The following PPME1 variants were observed in gnomAD, a reference collection of about 807,000 sequenced individuals.
PPME1 encodes protein phosphatase methylesterase 1, also known as testicular secretory protein Li 39.
In PPME1, 17 loss-of-function variants were observed where a neutral mutation model predicts 56.9. That is an observed-to-expected ratio of 0.30 (90% CI 0.20 to 0.45). PPME1 has a LOEUF of 0.45. PPME1 is among the 20% of genes least tolerant of loss of function. The pLI is 1.00. For synonymous variants in PPME1, 122 were observed against 156.2 expected (o/e 0.78, Z 1.63); for missense variants, 357 against 483.2 (o/e 0.74, Z 2.45).
At chr11:74,232,375 T>C (rs1217033070) in intron 7 of PPME1, among the ~76,000 whole-genome samples, 1 of 152,264 alleles carries the variant, frequency 6.6e-6, no homozygotes, top group Non-Finnish European at 1.5e-5. Flanking sequence ...AATTTAGGAC[T>C]TGGTAAATAT....
At chr11:74,194,752 G>A (rs1857936283) in intron 1 of PPME1, among the ~76,000 whole-genome samples, 1 of 152,112 alleles carries the variant, frequency 6.6e-6, no homozygotes, top group African/African-American at 2.4e-5. Flanking sequence ...CAGTCATTGT[G>A]TGAAAATGGG....
At chr11:74,249,465 T>A (rs1320785990) in intron 11 of PPME1, 1 of 152,198 alleles carries the variant, frequency 6.6e-6, no homozygotes, top group South Asian at 2.1e-4. Flanking sequence ...TGGCACAGTG[T>A]TGTTGGTGTA....
At chr11:74,202,514 A>G (rs1189795882) in intron 1 of PPME1, among the ~76,000 whole-genome samples, 1 of 152,200 alleles carries the variant, frequency 6.6e-6, no homozygotes, top group Non-Finnish European at 1.5e-5. Context: ...GTTTTTAGAA[A>G]GAGCTTTGTA....
intron 13 of PPME1, 114 bp downstream of exon 13, chr11:74,251,829 C>G: frequency 7.8e-7 from 1 of 1,277,944 alleles, no homozygotes; most frequent in Non-Finnish European, 1.1e-6. Context: ...GGTCACCATG[C>G]CTTTCTTCCT....
chr11:74,189,123 C>T (rs925742210), intron 1 of PPME1, among the ~76,000 whole-genome samples: 3 of 152,166 alleles, frequency 2.0e-5, no homozygotes, highest in African/African-American at 7.2e-5. Context: ...GGTGCATTGG[C>T]TCACACCTGT....
In PPME1 at chr11:74,232,309, G is replaced by A. The variant is rs151321259; in HGVS notation, c.644+1307G>A. 1.9e-3 allele frequency among the ~76,000 whole-genome samples: 284 copies of A among 152,314 alleles called. 2 individuals are homozygous for A. Among genetic ancestry groups the A allele is most frequent in the African/African-American group, 6.3e-3 (261 of 41,564 alleles). On this transcript the variant is annotated intron_variant, in intron 7 of 13. Coordinates refer to ENST00000328257, the MANE Select transcript of PPME1 (RefSeq NM_016147.3). Reference sequence around the variant, plus strand: ...CTTTTCTACTTTCATATAGCATATGGCATACTGCCCTAGCAGGCAGAATAT... The same window carrying A: ...CTTTTCTACTTTCATATAGCATATGACATACTGCCCTAGCAGGCAGAATAT...
chr11:74,192,695 G>A (rs1857873313), intron 1 of PPME1, among the ~76,000 whole-genome samples: 1 of 152,162 alleles, frequency 6.6e-6, no homozygotes, highest in African/African-American at 2.4e-5. Flanking sequence ...GTGAGTTCTT[G>A]CCCTGAGTTC....
chr11:74,185,444 G>T (rs1408578554), intron 1 of PPME1, among the ~76,000 whole-genome samples: 16 of 152,116 alleles, frequency 1.1e-4, no homozygotes, highest in Non-Finnish European at 1.5e-5. Flanking sequence ...TTGTTTTCTT[G>T]CTGTTTTGGC....
chr11:74,171,763 AGC>A (rs1857240630), intron 1 of PPME1, among the ~76,000 whole-genome samples: 1 of 152,136 alleles, frequency 6.6e-6, no homozygotes, highest in South Asian at 2.1e-4. Context: ...AGGTTGGGGA[AGC>A]TGAGAGACTA....
chr11:74,228,211 A>G (rs1396629055), intron 5 of PPME1, among the ~76,000 whole-genome samples: 5 of 151,242 alleles, frequency 3.3e-5, no homozygotes, highest in Admixed American at 3.3e-4. Flanking sequence ...TTAATTGAGC[A>G]TATAATTTTT....
chr11:74,183,951 T>C (rs1857605466), intron 1 of PPME1, among the ~76,000 whole-genome samples: 1 of 152,150 alleles, frequency 6.6e-6, no homozygotes. Flanking sequence ...CATCCTGAAT[T>C]TAATAGAGAA....
intron 7 of PPME1, among the ~76,000 whole-genome samples, chr11:74,233,967 TTATAG>T (rs1452681821): frequency 6.6e-6 from 1 of 152,168 alleles, no homozygotes; most frequent in African/African-American, 2.4e-5. Flanking sequence ...TAGGAGACTG[TTATAG>T]TAAAGGAGAG....
At chr11:74,236,707 A>G (rs1162679202) in intron 8 of PPME1, among the ~76,000 whole-genome samples, 1 of 152,192 alleles carries the variant, frequency 6.6e-6, no homozygotes, top group African/African-American at 2.4e-5. Flanking sequence ...ACCCATAACC[A>G]TGTCTCATTT....
At chr11:74,192,683 G>C (rs542883884) in intron 1 of PPME1, among the ~76,000 whole-genome samples, 4 of 152,242 alleles carry the variant, frequency 2.6e-5, no homozygotes, top group South Asian at 4.1e-4. Flanking sequence ...CCTTGGTAAT[G>C]AGTGAGTTCT....
chr11:74,207,531 C>T (rs1474297919), intron 3 of PPME1, among the ~76,000 whole-genome samples: 1 of 152,170 alleles, frequency 6.6e-6, no homozygotes, highest in Non-Finnish European at 1.5e-5. Context: ...AAAGGATAGT[C>T]TTTAAATATC....
At chr11:74,218,384 CA>C (rs1039773571) in intron 3 of PPME1, among the ~76,000 whole-genome samples, 1 of 151,944 alleles carries the variant, frequency 6.6e-6, no homozygotes, top group Non-Finnish European at 1.5e-5. Flanking sequence ...TGATATTCTT[CA>C]AAAAAATGGA....
chr11:74,200,008 C>G (rs184050820), intron 1 of PPME1, among the ~76,000 whole-genome samples: 1 of 152,198 alleles, frequency 6.6e-6, no homozygotes, highest in Non-Finnish European at 1.5e-5. Flanking sequence ...TGGGTAAGGA[C>G]ATAGCCAAAC....
intron 1 of PPME1, among the ~76,000 whole-genome samples, chr11:74,187,024 T>C (rs1591019542): frequency 1.3e-5 from 2 of 152,354 alleles, no homozygotes; most frequent in East Asian, 1.9e-4. Context: ...TATACAGTTA[T>C]CTTGGCATCC....
At chr11:74,204,767 G>A (rs1207632716) in intron 3 of PPME1, 1 of 187,892 alleles carries the variant, frequency 5.3e-6, no homozygotes, top group Non-Finnish European at 1.1e-5. Context: ...AAAAGGGTTT[G>A]GAAGCTGGCA....
Sources: gnomAD v4.1 joint callset for allele counts (sites outside exome capture counted in the v4.1 genomes callset) on GRCh38, gnomAD v4.1.1 for gene constraint, MANE v1.5 for transcripts, NCBI Gene and HGNC (gene_info 2026-07-23, HGNC 2026-07-21) for gene names.